The following ARHGAP6 variants were observed in gnomAD, a reference collection of about 807,000 sequenced individuals.
ARHGAP6 encodes Rho GTPase activating protein 6.
A neutral mutation model predicts 55.7 loss-of-function variants in ARHGAP6; 16 were observed. The observed-to-expected ratio is 0.29, with a 90% CI of 0.19 to 0.44. The LOEUF is 0.44. Among genes scored for constraint, ARHGAP6 ranks in the 20% least tolerant of loss-of-function variants. ARHGAP6 has a pLI of 1.00. For missense variants in ARHGAP6, 698 were observed against 808.9 expected (o/e 0.86, Z 1.66); for synonymous variants, 382 against 360.9 (o/e 1.06, Z -0.66).
At chrX:11,181,411 T>C (rs2046312539) in intron 6 of ARHGAP6, among the ~76,000 whole-genome samples, 1 of 112,322 alleles carries the variant, frequency 8.9e-6, no homozygotes, top group South Asian at 3.7e-4. Context: ...AATGCTTTAA[T>C]TTTCCTTCAC....
chrX:11,293,577 C>T (rs1470487211), intron 1 of ARHGAP6: 3 of 111,147 alleles, frequency 2.7e-5, no homozygotes, highest in Non-Finnish European at 5.7e-5. Context: ...TACTATATGC[C>T]ATCAATAGTT....
At chrX:11,276,056 T>G (rs957313876) in intron 1 of ARHGAP6, among the ~76,000 whole-genome samples, 1 of 111,746 alleles carries the variant, frequency 8.9e-6, no homozygotes, top group Non-Finnish European at 1.9e-5. Context: ...CTTTCAAGGT[T>G]CCAAATGACC....
chrX:11,553,847 T>C (rs1240930971), intron 1 of ARHGAP6, among the ~76,000 whole-genome samples: 1 of 112,053 alleles, frequency 8.9e-6, no homozygotes, highest in Non-Finnish European at 1.9e-5. Context: ...CTAGTCAAAC[T>C]CCTTTGGGTA....
intron 1 of ARHGAP6, among the ~76,000 whole-genome samples, chrX:11,634,459 T>C (rs930240643): frequency 9.0e-6 from 1 of 111,612 alleles, no homozygotes; most frequent in Admixed American, 9.5e-5. Flanking sequence ...TTGGATCATT[T>C]ATCTTATGGC....
intron 1 of ARHGAP6, among the ~76,000 whole-genome samples, chrX:11,374,271 G>T (rs1292004588): frequency 9.0e-6 from 1 of 111,632 alleles, no homozygotes; most frequent in Admixed American, 9.5e-5. Flanking sequence ...CCACAGTTTT[G>T]CTCGTAAAGA....
intron 6 of ARHGAP6, among the ~76,000 whole-genome samples, chrX:11,179,939 C>A (rs914159908): frequency 4.6e-5 from 5 of 109,065 alleles, no homozygotes; most frequent in Non-Finnish European, 9.5e-5. Flanking sequence ...TATTACACAG[C>A]ATTTCTGTGT....
At chrX:11,437,626 G>A (rs1271371580) in intron 1 of ARHGAP6, among the ~76,000 whole-genome samples, 1 of 112,136 alleles carries the variant, frequency 8.9e-6, no homozygotes, top group Non-Finnish European at 1.9e-5. Flanking sequence ...TGGTCCTGAG[G>A]GAAGCTCTGG....
chrX:11,342,229 T>C (rs529968163), intron 1 of ARHGAP6, among the ~76,000 whole-genome samples: 1 of 112,090 alleles, frequency 8.9e-6, no homozygotes, highest in South Asian at 3.7e-4. Context: ...CAGCTTAAGT[T>C]TTATAAGACA....
At chrX:11,573,440 G>T (rs1343228372) in intron 1 of ARHGAP6, among the ~76,000 whole-genome samples, 4 of 110,310 alleles carry the variant, frequency 3.6e-5, no homozygotes, top group Non-Finnish European at 7.6e-5. Context: ...TATTAAATAG[G>T]GAATCCTTTC....
chrX:11,209,898 GA>G (rs748284289), intron 2 of ARHGAP6, among the ~76,000 whole-genome samples: 1 of 112,090 alleles, frequency 8.9e-6, no homozygotes, highest in African/African-American at 3.2e-5. Flanking sequence ...TGGAAAGAAT[GA>G]GCAGGAAACC....
At chrX:11,441,038 C>G (rs1333462387) in intron 1 of ARHGAP6, among the ~76,000 whole-genome samples, 1 of 111,728 alleles carries the variant, frequency 9.0e-6, no homozygotes, top group East Asian at 2.8e-4. Context: ...AATTCCGACC[C>G]TTAGGAAAGA....
chrX:11,523,072 G>T (rs949827258), intron 1 of ARHGAP6, among the ~76,000 whole-genome samples: 1 of 111,667 alleles, frequency 9.0e-6, no homozygotes, highest in African/African-American at 3.3e-5. Context: ...ATGCAAGGCT[G>T]GTTCAACATA....
At chrX:11,442,244 T>C (rs1187603527) in intron 1 of ARHGAP6, among the ~76,000 whole-genome samples, 1 of 110,183 alleles carries the variant, frequency 9.1e-6, no homozygotes, top group Non-Finnish European at 1.9e-5. Flanking sequence ...CAAATTTAAC[T>C]GAATATGTCA....
intron 1 of ARHGAP6, among the ~76,000 whole-genome samples, chrX:11,425,069 A>T: frequency 8.9e-6 from 1 of 112,348 alleles, no homozygotes; most frequent in Non-Finnish European, 1.9e-5. Context: ...TGTTTATTGA[A>T]TGAATCAAAT....
At chrX:11,351,255 GA>G (rs2048860418) in intron 1 of ARHGAP6, 2 of 764,972 alleles carry the variant, frequency 2.6e-6, no homozygotes, top group Admixed American at 5.9e-5. Flanking sequence ...TCAAAATGAA[GA>G]AAAATCTTTT....
chrX:11,433,445 A>G (rs777532874), intron 1 of ARHGAP6, among the ~76,000 whole-genome samples: 2 of 112,103 alleles, frequency 1.8e-5, no homozygotes, highest in Non-Finnish European at 3.8e-5. Context: ...AGTGCCTAAA[A>G]AGAGACATTT....
rs1810821687 is a variant in ARHGAP6 at position 11,179,284 on chromosome X, T to C, written c.1480+18A>G. 2 of 1,180,138 alleles carry C rather than the reference T, an allele frequency of 1.7e-6. No homozygotes were observed. The highest frequency in any genetic ancestry group is 2.3e-6 in the Non-Finnish European group (2 of 877,369). On this transcript the variant is annotated intron_variant, in intron 7 of 12. Transcript: ENST00000337414. ...AGTATTCCAGGGCCACTTTCCCACA[T>C]ATGGCTGTATTACGCACAGAGAGTG...
chrX:11,196,331 A>G (rs905798827), intron 3 of ARHGAP6, among the ~76,000 whole-genome samples: 2 of 111,102 alleles, frequency 1.8e-5, no homozygotes, highest in Non-Finnish European at 3.8e-5. Context: ...ATAGAGCATC[A>G]TCATTGTCAA....
intron 2 of ARHGAP6, among the ~76,000 whole-genome samples, chrX:11,212,000 C>T (rs980356678): frequency 1.8e-5 from 2 of 111,714 alleles, no homozygotes; most frequent in African/African-American, 6.5e-5. Flanking sequence ...CCCAGTGCCC[C>T]TGCCAACCTC....
Sources: gnomAD v4.1 joint callset for allele counts (sites outside exome capture counted in the v4.1 genomes callset) on GRCh38, gnomAD v4.1.1 for gene constraint, MANE v1.5 for transcripts, NCBI Gene and HGNC (gene_info 2026-07-23, HGNC 2026-07-21) for gene names.